The following MAP4K3 variants were observed in gnomAD, a reference collection of about 807,000 sequenced individuals.
MAP4K3 encodes the protein mitogen-activated protein kinase kinase kinase kinase 3.
MAP4K3 carries 94 observed loss-of-function variants against 143.5 expected under a neutral mutation model. That is an observed-to-expected ratio of 0.65 (90% CI 0.55 to 0.78). The LOEUF is 0.78. MAP4K3 is among the 30% of genes least tolerant of loss of function. MAP4K3 has a pLI of 0.00. For missense variants in MAP4K3, 1,077 were observed against 1,068.1 expected (o/e 1.01, Z -0.12); for synonymous variants, 416 against 347.2 (o/e 1.20, Z -2.20).
intron 29 of MAP4K3, among the ~76,000 whole-genome samples, 169 bp downstream of exon 29, chr2:39,260,437 A>G (rs1244714180): frequency 6.6e-6 from 1 of 152,206 alleles, no homozygotes; most frequent in Non-Finnish European, 1.5e-5. Context: ...TAAATGTGTC[A>G]TATGAATTAG....
chr2:39,337,349 G>A (rs188642818), intron 5 of MAP4K3, among the ~76,000 whole-genome samples, 177 bp downstream of exon 5: 35 of 152,198 alleles, frequency 2.3e-4, no homozygotes, highest in African/African-American at 7.9e-4. Context: ...ATGCTTTAAA[G>A]TATTTATTTG....
intron 1 of MAP4K3, among the ~76,000 whole-genome samples, chr2:39,392,788 C>T (rs755436809): frequency 3.3e-5 from 5 of 152,202 alleles, no homozygotes; most frequent in South Asian, 2.1e-4. Context: ...GTTTGGCTCC[C>T]TTCTGCTCTC....
intron 8 of MAP4K3, among the ~76,000 whole-genome samples, chr2:39,330,389 G>C (rs1428871845): frequency 6.6e-6 from 1 of 151,976 alleles, no homozygotes; most frequent in East Asian, 1.9e-4. Flanking sequence ...CATGTACAAG[G>C]ATACACATGC....
In MAP4K3 at chr2:39,376,022, T is replaced by C. The variant is rs146282768; in HGVS notation, c.154+2044A>G. 1.1e-3 allele frequency among the ~76,000 whole-genome samples: 160 copies of C among 152,332 alleles called. 1 individual carries two copies. Among genetic ancestry groups the C allele is most frequent in the African/African-American group, 2.4e-3 (98 of 41,590 alleles). ...TTTTGAGACATACTGTGAATAATGC[T>C]ACTATAAACATTTGTGCATGACAAT... On this transcript the variant is annotated intron_variant, in intron 2 of 33. Coordinates refer to ENST00000263881, the MANE Select transcript of MAP4K3 (RefSeq NM_003618.4).
chr2:39,429,990 T>C (rs1479270789), intron 1 of MAP4K3, among the ~76,000 whole-genome samples: 2 of 152,250 alleles, frequency 1.3e-5, no homozygotes, highest in East Asian at 3.8e-4. Context: ...AGAGCTTTCA[T>C]GGTGACCGAA....
At chr2:39,378,208 G>C (rs1020608856) in intron 1 of MAP4K3, 85 bp from the exon 2 acceptor site, 12 of 678,272 alleles carry the variant, frequency 1.8e-5, no homozygotes, top group Non-Finnish European at 3.1e-5. Flanking sequence ...ACTGTTTTCA[G>C]TTATATAAAA....
chr2:39,400,595 T>C lies in MAP4K3; in HGVS notation c.97-22472A>G, dbSNP rs1332396443. ...TCCAGTGCCTATGAGTTTACTCTGC[T>C]CTTTTTTTAATTCCTTGGTGTTCAT... On this transcript the variant is annotated intron_variant, in intron 1 of 33. Transcript: ENST00000263881. Among the ~76,000 whole-genome samples, 3 of 152,096 alleles carry C rather than the reference T, an allele frequency of 2.0e-5. 1 individual carries two copies. Among genetic ancestry groups the C allele is most frequent in the Admixed American group, 1.3e-4 (2 of 15,270 alleles).
At chr2:39,258,644 A>C (rs1680440644) in intron 29 of MAP4K3, 57 bp from the exon 30 acceptor site, 1 of 1,181,986 alleles carries the variant, frequency 8.5e-7, no homozygotes, top group East Asian at 2.3e-5. Context: ...TAAAGCATGG[A>C]AACATTGAAG....
intron 2 of MAP4K3, among the ~76,000 whole-genome samples, chr2:39,361,216 T>C (rs1026839351): frequency 3.3e-5 from 5 of 152,142 alleles, no homozygotes; most frequent in Non-Finnish European, 5.9e-5. Flanking sequence ...TGTCTCTACA[T>C]TATAGCAATT....
chr2:39,426,037 G>A (rs1467525271), intron 1 of MAP4K3, among the ~76,000 whole-genome samples: 3 of 152,102 alleles, frequency 2.0e-5, no homozygotes, highest in Admixed American at 6.5e-5. Context: ...TTATTAATTA[G>A]AAAAGGAAGA....
chr2:39,368,361 T>C (rs572945411), intron 2 of MAP4K3, among the ~76,000 whole-genome samples: 2 of 152,106 alleles, frequency 1.3e-5, no homozygotes, highest in South Asian at 4.1e-4. Context: ...ACAAGAACAA[T>C]GACATATTGT....
intron 29 of MAP4K3, among the ~76,000 whole-genome samples, chr2:39,259,117 T>A (rs1377410860): frequency 6.6e-6 from 1 of 151,668 alleles, no homozygotes; most frequent in East Asian, 1.9e-4. Context: ...CTTAGCCTTG[T>A]GAGTAGCTGA....
chr2:39,352,127 C>T (rs1186325391), intron 3 of MAP4K3, among the ~76,000 whole-genome samples: 1 of 152,060 alleles, frequency 6.6e-6, no homozygotes, highest in East Asian at 1.9e-4. Flanking sequence ...CCCATCTCTA[C>T]TAAAAATACA....
chr2:39,359,119 T>C (rs1665692584), intron 2 of MAP4K3, among the ~76,000 whole-genome samples: 1 of 152,180 alleles, frequency 6.6e-6, no homozygotes, highest in South Asian at 2.1e-4. Flanking sequence ...GCAAGTGAGT[T>C]ACTCTCTAGA....
At chr2:39,345,773 T>C (rs1343032292) in intron 3 of MAP4K3, among the ~76,000 whole-genome samples, 1 of 151,370 alleles carries the variant, frequency 6.6e-6, no homozygotes, top group African/African-American at 2.4e-5. Flanking sequence ...CAAGAAGAAA[T>C]TAGCCAGGCG....
chr2:39,273,095 T>C (rs565793226), intron 24 of MAP4K3, among the ~76,000 whole-genome samples: 1 of 152,250 alleles, frequency 6.6e-6, no homozygotes, highest in South Asian at 2.1e-4. Flanking sequence ...TACTAAAATT[T>C]AGTACCATAA....
At chr2:39,372,041 CTA>C (rs1666096221) in intron 2 of MAP4K3, among the ~76,000 whole-genome samples, 1 of 151,424 alleles carries the variant, frequency 6.6e-6, no homozygotes, top group Non-Finnish European at 1.5e-5. Context: ...TTGGAAAAAT[CTA>C]AAGACTCCAC....
intron 1 of MAP4K3, among the ~76,000 whole-genome samples, chr2:39,422,030 G>A (rs996088101): frequency 3.3e-5 from 5 of 150,832 alleles, no homozygotes; most frequent in East Asian, 1.9e-4. Flanking sequence ...TACTATTCCC[G>A]TATCTAGTCT....
chr2:39,267,721 T>G (rs1680824776), intron 26 of MAP4K3, among the ~76,000 whole-genome samples: 1 of 151,416 alleles, frequency 6.6e-6, no homozygotes, highest in African/African-American at 2.4e-5. Flanking sequence ...GATCCCCTTC[T>G]CATGGCCCCC....
Sources: gnomAD v4.1 joint callset for allele counts (sites outside exome capture counted in the v4.1 genomes callset) on GRCh38, gnomAD v4.1.1 for gene constraint, MANE v1.5 for transcripts, NCBI Gene and HGNC (gene_info 2026-07-23, HGNC 2026-07-21) for gene names.